The following MARK3 variants were observed in gnomAD, a reference collection of about 807,000 sequenced individuals.
MARK3 encodes MAP/microtubule affinity-regulating kinase 3.
In MARK3, 46 loss-of-function variants were observed where a neutral mutation model predicts 90.1. That is an observed-to-expected ratio of 0.51 (90% CI 0.40 to 0.65). The LOEUF (loss-of-function observed/expected upper bound fraction) is 0.65. Among genes scored for constraint, MARK3 ranks in the 30% least tolerant of loss-of-function variants. MARK3 has a pLI of 0.00. For missense variants in MARK3, 818 were observed against 947.2 expected (o/e 0.86, Z 1.79); for synonymous variants, 321 against 332.6 (o/e 0.97, Z 0.38).
At chr14:103,429,564 T>C (rs2092516763) in intron 3 of MARK3, among the ~76,000 whole-genome samples, 1 of 152,144 alleles carries the variant, frequency 6.6e-6, no homozygotes, top group African/African-American at 2.4e-5. Context: ...GAGATAGACT[T>C]TCTCTGCACT....
chr14:103,422,046 C>A (rs2092241934), intron 2 of MARK3, among the ~76,000 whole-genome samples: 2 of 152,170 alleles, frequency 1.3e-5, no homozygotes, highest in African/African-American at 2.4e-5. Context: ...TTAAATGATT[C>A]TTTCATACTT....
chr14:103,413,842 A>G (rs185020371), intron 2 of MARK3, among the ~76,000 whole-genome samples: 20 of 152,042 alleles, frequency 1.3e-4, no homozygotes, highest in African/African-American at 4.8e-4. Flanking sequence ...ACTCAGCATC[A>G]TGTCTTTGAG....
chr14:103,411,731 G>A (rs561491632), intron 2 of MARK3, among the ~76,000 whole-genome samples: 2 of 151,722 alleles, frequency 1.3e-5, no homozygotes, highest in South Asian at 2.1e-4. Context: ...TAAGCAATTC[G>A]CCTGCCTCAG....
intron 7 of MARK3, 139 bp from the exon 8 acceptor site, chr14:103,465,418 C>T: frequency 1.3e-5 from 8 of 618,294 alleles, no homozygotes; most frequent in Admixed American, 2.9e-5. Context: ...CTGTTTTTTT[C>T]TCTAGAAAGA....
intron 13 of MARK3, among the ~76,000 whole-genome samples, chr14:103,478,633 G>GGGTCCA (rs1048238979): frequency 2.6e-5 from 4 of 151,672 alleles, no homozygotes; most frequent in South Asian, 2.1e-4. Context: ...TCCACCTCCC[G>GGGTCCA]GGTTCAAGCG....
chr14:103,430,384 C>T (rs889831134), intron 3 of MARK3, among the ~76,000 whole-genome samples: 1 of 147,176 alleles, frequency 6.8e-6, no homozygotes, highest in African/African-American at 2.5e-5. Context: ...TCTTCCCCCA[C>T]CCCCAGCAAT....
chr14:103,433,427 C>T (rs1230900917), intron 3 of MARK3, among the ~76,000 whole-genome samples: 1 of 151,998 alleles, frequency 6.6e-6, no homozygotes, highest in Admixed American at 6.5e-5. Context: ...GACGCAGTGG[C>T]ACACGCCAAT....
intron 5 of MARK3, among the ~76,000 whole-genome samples, chr14:103,456,762 A>G (rs4906324): frequency 0.34 from 52,064 of 152,132 alleles, 9,396 homozygotes; most frequent in East Asian, 0.5. Context: ...GAATGAATGA[A>G]TATACTCAGG....
intron 15 of MARK3, among the ~76,000 whole-genome samples, chr14:103,496,900 G>A (rs910368161): frequency 6.6e-6 from 1 of 151,710 alleles, no homozygotes; most frequent in Non-Finnish European, 1.5e-5. Flanking sequence ...TAATTAGCCA[G>A]GAGTGGTGGT....
intron 5 of MARK3, among the ~76,000 whole-genome samples, chr14:103,453,184 G>A (rs956645133): frequency 2.0e-5 from 3 of 152,142 alleles, no homozygotes; most frequent in African/African-American, 4.8e-5. Flanking sequence ...ATAATGATTT[G>A]TATTTTATGG....
intron 3 of MARK3, among the ~76,000 whole-genome samples, chr14:103,436,391 C>A (rs963949798): frequency 4.0e-5 from 6 of 148,824 alleles, no homozygotes; most frequent in African/African-American, 7.5e-5. Context: ...CAACTCTTTT[C>A]ATCTTTTTCT....
intron 2 of MARK3, among the ~76,000 whole-genome samples, chr14:103,407,723 G>C (rs748636524): frequency 3.3e-5 from 5 of 151,728 alleles, no homozygotes; most frequent in Non-Finnish European, 7.4e-5. Context: ...ACCATGCCCG[G>C]CTAATTTTTG....
intron 1 of MARK3, among the ~76,000 whole-genome samples, chr14:103,395,747 G>A (rs1349069625): frequency 6.6e-6 from 1 of 152,144 alleles, no homozygotes. Flanking sequence ...TAGAATTCTA[G>A]ACTGAATGCC....
intron 16 of MARK3, chr14:103,499,369 G>C (rs1050137018): frequency 6.6e-6 from 1 of 152,224 alleles, no homozygotes; most frequent in Non-Finnish European, 1.5e-5. Context: ...TGAGGCAGGA[G>C]GATCACCTGA....
rs138410398 is a variant in MARK3 at position 103,431,228 on chromosome 14, A to C, written c.297+2788A>C. ...TCCCTCAGCCTCCCAAGTGGCTAGG[A>C]CTACAGGTGTACGCCACCACACCTG... On this transcript the variant is annotated intron_variant, in intron 3 of 17. Coordinates refer to ENST00000429436, the MANE Select transcript of MARK3 (RefSeq NM_001128918.3). Among the ~76,000 whole-genome samples, 167 of 152,232 alleles carry C rather than the reference A, an allele frequency of 1.1e-3. 3 individuals are homozygous for C. In the East Asian group the frequency reaches 0.031, roughly 28 times the overall value.
intron 14 of MARK3, chr14:103,490,910 A>G: frequency 8.1e-7 from 1 of 1,232,148 alleles, no homozygotes; most frequent in Non-Finnish European, 1.1e-6. Flanking sequence ...CTGCTCCTTC[A>G]TACTGTGTTT....
At chr14:103,461,703 A>C (rs577392108) in intron 6 of MARK3, among the ~76,000 whole-genome samples, 2 of 152,154 alleles carry the variant, frequency 1.3e-5, no homozygotes, top group African/African-American at 4.8e-5. Flanking sequence ...GCAACTCTCT[A>C]ACCGCTGGTT....
In MARK3 at chr14:103,463,445, G is replaced by A. The variant is rs140540264; in HGVS notation, c.540+984G>A. Among the ~76,000 whole-genome samples the A allele has an allele frequency of 4.4e-3, 668 of 152,264 alleles. 5 individuals are homozygous for A. The highest frequency in any genetic ancestry group is 0.034 in the Middle Eastern group (10 of 294). Reference sequence around the variant, plus strand: ...GATCCAGGACCCAGCTGAGCAAAGGGTGTCTTCATATAAGCATCCCTTGGG... The same window carrying A: ...GATCCAGGACCCAGCTGAGCAAAGGATGTCTTCATATAAGCATCCCTTGGG... On this transcript the variant is annotated intron_variant, in intron 7 of 17. Transcript: ENST00000429436.
At chr14:103,456,045 T>G (rs923533318) in intron 5 of MARK3, among the ~76,000 whole-genome samples, 1 of 152,218 alleles carries the variant, frequency 6.6e-6, no homozygotes, top group African/African-American at 2.4e-5. Context: ...CAGTTGACAG[T>G]GCTAATAATA....
Sources: gnomAD v4.1 joint callset for allele counts (sites outside exome capture counted in the v4.1 genomes callset) on GRCh38, gnomAD v4.1.1 for gene constraint, MANE v1.5 for transcripts, NCBI Gene and HGNC (gene_info 2026-07-23, HGNC 2026-07-21) for gene names.